Variants in ZFHX3 observed in about 807,000 individuals in gnomAD.
The protein encoded by ZFHX3 is zinc finger homeobox protein 3.
Under a neutral mutation model 279.1 loss-of-function variants are expected in ZFHX3, and 42 were observed. The ratio of observed to expected loss-of-function variants is 0.15; its 90% CI spans 0.12 to 0.19. ZFHX3 has a LOEUF of 0.19. ZFHX3 is among the 10% of genes least tolerant of loss of function. The pLI is 1.00. For missense variants in ZFHX3, 4,981 were observed against 4,754.0 expected, an observed-to-expected ratio of 1.05 and a Z score of -1.40; for synonymous variants, 2,293 against 1,957.8, an observed-to-expected ratio of 1.17 and a Z score of -4.52.
At chr16:73,778,086 A>AT (rs1298148549) in intron 1 of ZFHX3, among the ~76,000 whole-genome samples, 1 of 152,048 alleles carries the variant, frequency 6.6e-6, no homozygotes, top group African/African-American at 2.4e-5. Context: ...CAAAATAAAT[A>AT]TTTTTTAAAA....
intron 3 of ZFHX3, among the ~76,000 whole-genome samples, chr16:73,387,678 A>G (rs923754355): frequency 6.6e-6 from 1 of 152,114 alleles, no homozygotes; most frequent in Non-Finnish European, 1.5e-5. Context: ...CAAAAAATTG[A>G]ACAGATGTGC....
At chr16:72,800,265 G>A in intron 7 of ZFHX3, 136 bp from the exon 8 acceptor site, 1 of 668,856 alleles carries the variant, frequency 1.5e-6, no homozygotes, top group Admixed American at 2.5e-5. Flanking sequence ...ATAGCTCACT[G>A]AAGATTCATG....
At chr16:73,528,017 A>T (rs967845266) in intron 2 of ZFHX3, among the ~76,000 whole-genome samples, 4 of 152,154 alleles carry the variant, frequency 2.6e-5, no homozygotes, top group Non-Finnish European at 5.9e-5. Context: ...AAACTAATAC[A>T]CCCACTAATT....
At chr16:72,788,886 G>C in intron 9 of ZFHX3, 38 bp from the exon 10 acceptor site, 1 of 1,513,328 alleles carries the variant, frequency 6.6e-7, no homozygotes, top group African/African-American at 1.4e-5. Context: ...GGTCAGTCTG[G>C]GCAGGGGTAG....
chr16:73,204,570 T>A (rs749832470), intron 5 of ZFHX3, among the ~76,000 whole-genome samples: 8 of 152,186 alleles, frequency 5.3e-5, no homozygotes, highest in Non-Finnish European at 8.8e-5. Context: ...TAAATACAGA[T>A]GAAGCTTTGC....
At chr16:73,460,979 C>T (rs2018461877) in intron 2 of ZFHX3, among the ~76,000 whole-genome samples, 1 of 152,188 alleles carries the variant, frequency 6.6e-6, no homozygotes, top group South Asian at 2.1e-4. Flanking sequence ...AGCCAATTGC[C>T]TCTCTTCTCT....
At chr16:73,105,420 T>C (rs111228332) in intron 7 of ZFHX3, among the ~76,000 whole-genome samples, 1,621 of 77,668 alleles carry the variant, frequency 0.021, 33 homozygotes, top group Middle Eastern at 0.034. Context: ...CACACACACA[T>C]ATATATATAT....
At chr16:73,588,625 G>A (rs1368664194) in intron 2 of ZFHX3, among the ~76,000 whole-genome samples, 2 of 151,236 alleles carry the variant, frequency 1.3e-5, no homozygotes, top group Admixed American at 1.3e-4. Context: ...GGGAGGCCGA[G>A]CTTGCAGTGA....
chr16:72,787,706 C>G lies in ZFHX3; in HGVS notation c.10570G>C (p.Gly3524Arg), dbSNP rs769543239. Residue 3524 changes from glycine to arginine, a missense_variant, in exon 10 of 10, where the codon GGC becomes CGC. Physicochemically the swap from Gly to Arg is moderately radical, Grantham distance 125. Transcript: ENST00000268489. ...AGGCAGTGGTACGAGCCGCCGCCGC[C>G]GCCGCCGCCGCCACCGCCGCCGCCG... ...GGGGGGGGGG[G>R]GGGSYHCLAC... The G allele has an allele frequency of 1.4e-6, 2 of 1,389,182 alleles. No homozygotes were observed. The highest frequency in any genetic ancestry group is 1.5e-5 in the African/African-American group (1 of 67,634). 86.1% of individuals were successfully genotyped at this position (1,389,182 alleles called of 1,614,324 possible).
chr16:72,976,006 G>T (rs1001928324), intron 1 of ZFHX3, among the ~76,000 whole-genome samples: 8 of 152,174 alleles, frequency 5.3e-5, no homozygotes, highest in African/African-American at 1.7e-4. Context: ...GGTTAGGTCT[G>T]GTCCCAGGGG....
chr16:73,518,838 A>G (rs1021408679), intron 2 of ZFHX3, among the ~76,000 whole-genome samples: 1 of 152,208 alleles, frequency 6.6e-6, no homozygotes, highest in Non-Finnish European at 1.5e-5. Flanking sequence ...CCAGTTTGCC[A>G]TTAAAAGGTT....
At position 73,464,124 on chromosome 16, in the gene ZFHX3, A is replaced by G. The variant is rs118013851; in HGVS notation, c.-1546-7866T>C. ...TGCTTAGTAAAAGCCATCAAATATT[A>G]CTGGGAATTATTACTAATTTGTAAA... On this transcript the variant is annotated intron_variant, in intron 2 of 17. Coordinates refer to the ZFHX3 transcript ENST00000641206. 1.7e-4 allele frequency among the ~76,000 whole-genome samples: 26 copies of G among 152,194 alleles called. No individual in the cohort carries two copies. The East Asian group carries it at 4.5e-3, about 26-fold the overall frequency.
At chr16:73,833,696 A>G (rs1177876301) in intron 1 of ZFHX3, among the ~76,000 whole-genome samples, 3 of 151,962 alleles carry the variant, frequency 2.0e-5, no homozygotes, top group Non-Finnish European at 2.9e-5. Context: ...TGGCACGTGT[A>G]TACCTATGTA....
intron 8 of ZFHX3, among the ~76,000 whole-genome samples, chr16:73,083,827 C>T (rs555601750): frequency 6.6e-6 from 1 of 152,304 alleles, no homozygotes; most frequent in East Asian, 1.9e-4. Context: ...CCATGCCCGG[C>T]CTTTCCTATT....
At chr16:73,672,273 G>A (rs1271479732) in intron 2 of ZFHX3, among the ~76,000 whole-genome samples, 2 of 152,002 alleles carry the variant, frequency 1.3e-5, no homozygotes, top group African/African-American at 4.8e-5. Flanking sequence ...GATCGTTCTG[G>A]GAACAAGGCA....
chr16:73,502,531 A>G (rs984165885), intron 2 of ZFHX3, among the ~76,000 whole-genome samples: 5 of 152,116 alleles, frequency 3.3e-5, no homozygotes, highest in Non-Finnish European at 5.9e-5. Flanking sequence ...GTGTCTAACC[A>G]CTCCAATCCT....
At chr16:72,896,536 T>G (rs1429151104) in intron 3 of ZFHX3, among the ~76,000 whole-genome samples, 1 of 152,236 alleles carries the variant, frequency 6.6e-6, no homozygotes, top group Non-Finnish European at 1.5e-5. Flanking sequence ...GCTGTGCGAC[T>G]TTGTGGGATT....
intron 8 of ZFHX3, among the ~76,000 whole-genome samples, chr16:73,090,911 G>GAAAAAA (rs57632636): frequency 0.01 from 1,109 of 108,184 alleles, 72 homozygotes; most frequent in African/African-American, 0.04. Flanking sequence ...ATCCCATATT[G>GAAAAAA]AAAAAAAAAA....
chr16:73,832,371 T>G (rs1418685845), intron 1 of ZFHX3, among the ~76,000 whole-genome samples: 1 of 152,116 alleles, frequency 6.6e-6, no homozygotes, highest in Admixed American at 6.6e-5. Flanking sequence ...GTTTACTGTA[T>G]AAGGAATGGT....
Sources: allele counts gnomAD v4.1 joint callset (sites outside exome capture counted in the v4.1 genomes callset), GRCh38; gene constraint gnomAD v4.1.1; transcripts MANE v1.5; gene names NCBI Gene and HGNC (gene_info 2026-07-23, HGNC 2026-07-21).